The following EMILIN2 variants were observed in gnomAD, a reference collection of about 807,000 sequenced individuals.
The protein encoded by EMILIN2 is elastin microfibril interfacer 2, also known as EMILIN-2.
A neutral mutation model predicts 87.1 loss-of-function variants in EMILIN2; 71 were observed. That is an observed-to-expected ratio of 0.82 (90% CI 0.67 to 0.99). EMILIN2 has a LOEUF of 0.99. Ranked by LOEUF, EMILIN2 falls within the 50% of genes least tolerant of loss-of-function variation. The pLI is 0.00. For synonymous variants in EMILIN2, 581 were observed against 563.4 expected (o/e 1.03, Z -0.44); for missense variants, 1,407 against 1,371.8 (o/e 1.03, Z -0.40).
rs1214212010 is a variant in EMILIN2 at position 2,884,024 on chromosome 18, CG to C, written c.258-938del. Reference sequence around the variant, plus strand: ...AGGCTGGAGTGCAGTGGCGCGATCTCGGCTCACTGCAAGCTCCACCTCCCGG... The same window carrying C: ...AGGCTGGAGTGCAGTGGCGCGATCTCGCTCACTGCAAGCTCCACCTCCCGG... On this transcript the variant is annotated intron_variant, in intron 2 of 7. Coordinates refer to ENST00000254528, the MANE Select transcript of EMILIN2 (RefSeq NM_032048.3). 1.4e-4 allele frequency among the ~76,000 whole-genome samples: 21 copies of C among 152,194 alleles called. No individual in the cohort carries two copies. In the South Asian group the frequency reaches 1.9e-3, roughly 14 times the overall value.
chr18:2,906,869 A>C lies in EMILIN2; in HGVS notation c.2446A>C (p.Thr816Pro). Residue 816 changes from threonine (T) to proline (P), a missense_variant, in exon 5 of 8, where the codon ACC becomes CCC. Coordinates refer to ENST00000254528, the MANE Select transcript of EMILIN2 (RefSeq NM_032048.3). ...CCCGCCGAGGCCCAGCGGCCCCGCA[A>C]CCGCAGAGGACCCTGGGCGACGGCC... ...PAPPRPSGPATAEDPGRRPVL... is the reference protein window; with the variant it reads ...PAPPRPSGPAPAEDPGRRPVL... 1.5e-6 allele frequency: 2 copies of C among 1,372,922 alleles called. No individual in the cohort carries two copies. The allele number at this position is 1,372,922 out of a possible 1,614,324, so 85.0% of individuals were successfully genotyped here. A position where few individuals can be genotyped will look rare whatever the true frequency, so the allele number is the denominator to read the frequency against.
intron 4 of EMILIN2, among the ~76,000 whole-genome samples, chr18:2,905,225 A>C (rs1164348254): frequency 7.9e-6 from 1 of 126,834 alleles, no homozygotes; most frequent in Non-Finnish European, 1.6e-5. Flanking sequence ...TCTCTCATGG[A>C]ACATTGGTCA....
chr18:2,850,194 C>G (rs2076595287), intron 2 of EMILIN2, among the ~76,000 whole-genome samples: 1 of 151,218 alleles, frequency 6.6e-6, no homozygotes, highest in Non-Finnish European at 1.5e-5. Context: ...CCCGCCTCAG[C>G]CTGCCAAAGT....
At chr18:2,858,545 A>ATATATGTGTGTG (rs2076640298) in intron 2 of EMILIN2, among the ~76,000 whole-genome samples, 2 of 46,508 alleles carry the variant, frequency 4.3e-5, no homozygotes, top group Admixed American at 2.2e-4. Flanking sequence ...ATATATATAT[A>ATATATGTGTGTG]TATATATATA....
chr18:2,851,515 G>GA (rs1228728884), intron 2 of EMILIN2, among the ~76,000 whole-genome samples: 1 of 152,166 alleles, frequency 6.6e-6, no homozygotes, highest in African/African-American at 2.4e-5. Context: ...GACTGAGGGT[G>GA]AAACCGCTGG....
At position 2,847,427 on chromosome 18, in the gene EMILIN2, C is replaced by G; in HGVS notation, c.134+105C>G. ...AAGACGACGAGCGGCAGCCGGGGGC[C>G]TCCCTTGGACTTCCCCGGGCGGCTC... On this transcript the variant is annotated intron_variant, in intron 1 of 7. Coordinates refer to ENST00000254528, the MANE Select transcript of EMILIN2 (RefSeq NM_032048.3). The surrounding 1 kb of genome is among the most constrained non-coding windows in gnomAD (Gnocchi z 4.5). The G allele has an allele frequency of 8.8e-7, 1 of 1,139,598 alleles. No individual in the cohort carries two copies. Among genetic ancestry groups the G allele is most frequent in the South Asian group, 3.5e-5 (1 of 28,704 alleles). 70.6% of individuals were successfully genotyped at this position (1,139,598 alleles called of 1,614,324 possible). A position where few individuals can be genotyped will look rare whatever the true frequency, so the allele number is the denominator to read the frequency against.
intron 2 of EMILIN2, among the ~76,000 whole-genome samples, chr18:2,861,283 G>A (rs1299417561): frequency 2.0e-5 from 3 of 152,154 alleles, no homozygotes; most frequent in Non-Finnish European, 4.4e-5. Flanking sequence ...ATTGCTTTTG[G>A]TGTTTTAGAC....
intron 3 of EMILIN2, among the ~76,000 whole-genome samples, chr18:2,888,917 A>G (rs543912267): frequency 3.0e-4 from 45 of 152,232 alleles, no homozygotes; most frequent in African/African-American, 1.1e-3. Flanking sequence ...GGAAAAAACA[A>G]TGATCGTTGA....
At chr18:2,869,557 A>G (rs1253718311) in intron 2 of EMILIN2, among the ~76,000 whole-genome samples, 1 of 152,240 alleles carries the variant, frequency 6.6e-6, no homozygotes, top group Non-Finnish European at 1.5e-5. Context: ...TTCATTGAAC[A>G]GAAAGATTTT....
At chr18:2,871,844 C>A (rs2143995290) in intron 2 of EMILIN2, among the ~76,000 whole-genome samples, 1 of 152,284 alleles carries the variant, frequency 6.6e-6, no homozygotes, top group South Asian at 2.1e-4. Flanking sequence ...AGTTTTATTG[C>A]AAATGTTTGC....
At chr18:2,858,162 A>AT (rs891413434) in intron 2 of EMILIN2, among the ~76,000 whole-genome samples, 32 of 150,566 alleles carry the variant, frequency 2.1e-4, no homozygotes, top group South Asian at 8.4e-4. Flanking sequence ...TTTCTTTTTT[A>AT]TTTTTTTTTA....
chr18:2,898,105 T>C (rs1443380698), intron 4 of EMILIN2, among the ~76,000 whole-genome samples: 1 of 152,200 alleles, frequency 6.6e-6, no homozygotes, highest in East Asian at 1.9e-4. Context: ...TCACACTCTC[T>C]CAGCAGGCAT....
chr18:2,879,927 C>T (rs931492210), intron 2 of EMILIN2, among the ~76,000 whole-genome samples: 15 of 152,108 alleles, frequency 9.9e-5, no homozygotes, highest in African/African-American at 3.4e-4. Context: ...AGGCTGTTCT[C>T]GAACTCCTGA....
intron 2 of EMILIN2, among the ~76,000 whole-genome samples, chr18:2,850,885 C>G (rs143200251): frequency 2.0e-5 from 3 of 151,902 alleles, no homozygotes; most frequent in African/African-American, 7.3e-5. Flanking sequence ...GGAGGAAACC[C>G]CATCTTAGAG....
rs765932028 is a variant in EMILIN2, at chr18:2,890,784, T to C, written c.657T>C (p.Asp219=). The change falls in exon 4 of 8, where the codon GAT becomes GAC. Residue 219 remains aspartate (D), a synonymous_variant. Coordinates refer to ENST00000254528, the MANE Select transcript of EMILIN2 (RefSeq NM_032048.3). This position sits in a 1 kb window ranked among gnomAD's most constrained non-coding sequence, Gnocchi z 4.7. ...ATCTCAAACATGCCACTCAGGATGA[T>C]GCCAGTAGAACACGGGCACCAGGGC... ...SENLKHATQD[D]ASRTRAPGLS... 7 of 1,613,676 alleles carry C rather than the reference T, an allele frequency of 4.3e-6. No individual in the cohort carries two copies. Among genetic ancestry groups the C allele is most frequent in the South Asian group, 1.1e-5 (1 of 91,078 alleles).
At position 2,906,766 on chromosome 18, in the gene EMILIN2, T is replaced by C; in HGVS notation, c.2360-17T>C. 1 of 1,277,948 alleles carries C rather than the reference T, an allele frequency of 7.8e-7. No homozygotes were observed. Among genetic ancestry groups the C allele is most frequent in the Non-Finnish European group, 9.8e-7 (1 of 1,016,284 alleles). 79.2% of individuals were successfully genotyped at this position (1,277,948 alleles called of 1,614,324 possible). ...TTTCCTAATCCCGTGTGTTTCTTTC[T>C]CCCCGACGCCCGGCAGAGGCGCCCT... On this transcript the variant is annotated splice_polypyrimidine_tract_variant and intron_variant, in intron 4 of 7. Transcript: ENST00000254528.
intron 2 of EMILIN2, 80 bp from the exon 3 acceptor site, chr18:2,884,884 T>TC: frequency 6.8e-7 from 1 of 1,461,404 alleles, no homozygotes; most frequent in South Asian, 1.4e-5. Context: ...ATGCCCTGAG[T>TC]CCTCTTTATT....
chr18:2,897,585 G>C (rs149640023), intron 4 of EMILIN2, among the ~76,000 whole-genome samples: 6 of 152,286 alleles, frequency 3.9e-5, no homozygotes, highest in African/African-American at 1.4e-4. Flanking sequence ...CTTAGAAATG[G>C]CTGGGCGCGG....
In EMILIN2 at chr18:2,890,713, A is replaced by G. The variant is rs1186283219; in HGVS notation, c.586A>G (p.Arg196Gly). Reference sequence around the variant, plus strand: ...AGAGGAGAAGGTTCTTCGACTCACAAGGACGGTTCTTGACCTCCAGTCTTC... The same window carrying G: ...AGAGGAGAAGGTTCTTCGACTCACAGGGACGGTTCTTGACCTCCAGTCTTC... ...VLEEKVLRLT[R>G]TVLDLQSSLA... Residue 196 changes from arginine (R) to glycine (G), a missense_variant, in exon 4 of 8, where the codon AGG (arginine) becomes GGG (glycine). Coordinates refer to ENST00000254528, the MANE Select transcript of EMILIN2 (RefSeq NM_032048.3). The surrounding 1 kb of genome is among the most constrained non-coding windows in gnomAD (Gnocchi z 4.7). The G allele has an allele frequency of 6.2e-7, 1 of 1,614,076 alleles. No homozygotes were observed. Among genetic ancestry groups the G allele is most frequent in the Non-Finnish European group, 8.5e-7 (1 of 1,180,032 alleles).
Sources: allele counts gnomAD v4.1 joint callset (sites outside exome capture counted in the v4.1 genomes callset), GRCh38; gene constraint gnomAD v4.1.1; non-coding constraint Gnocchi (gnomAD v3.1); transcripts MANE v1.5; gene names NCBI Gene and HGNC (gene_info 2026-07-23, HGNC 2026-07-21).